Variants in LIMK1 observed in about 807,000 individuals in gnomAD.
LIMK1 encodes LIM domain kinase 1.
In LIMK1, 21 loss-of-function variants were observed where a neutral mutation model predicts 77.6. That is an observed-to-expected ratio of 0.27 (90% CI 0.19 to 0.39). The LOEUF (loss-of-function observed/expected upper bound fraction) is 0.39. Ranked by LOEUF, LIMK1 falls within the 10% of genes least tolerant of loss-of-function variation. The probability of loss-of-function intolerance (pLI) is 1.00; values close to 1 mark genes in which losing one functional copy is unlikely to be tolerated. For synonymous variants in LIMK1, 358 were observed against 370.0 expected (o/e 0.97, Z 0.37); for missense variants, 696 against 901.6 (o/e 0.77, Z 2.92).
At chr7:74,105,320 G>A (rs1315291030) in intron 5 of LIMK1, among the ~76,000 whole-genome samples, 3 of 152,034 alleles carry the variant, frequency 2.0e-5, no homozygotes, top group Admixed American at 2.0e-4. Flanking sequence ...GACCAGCCTG[G>A]GAAATGTGGT....
chr7:74,103,826 A>T (rs937558341), intron 5 of LIMK1, among the ~76,000 whole-genome samples: 1 of 151,746 alleles, frequency 6.6e-6, no homozygotes, highest in Non-Finnish European at 1.5e-5. Context: ...ATAGGGTCTC[A>T]CTCTGTTGCC....
At chr7:74,098,573 G>A (rs1286102659) in intron 4 of LIMK1, among the ~76,000 whole-genome samples, 1 of 152,174 alleles carries the variant, frequency 6.6e-6, no homozygotes, top group Non-Finnish European at 1.5e-5. Context: ...CTGGCCAGGT[G>A]CAGTGGCTCA....
Position 74,099,072 on chromosome 7 carries a change from G to A in LIMK1, c.442G>A (p.Glu148Lys), listed in dbSNP as rs782534356. 1.9e-6 allele frequency: 3 copies of A among 1,613,098 alleles called. No homozygotes were observed. Among genetic ancestry groups the A allele is most frequent in the South Asian group, 1.1e-5 (1 of 91,084 alleles). ...CCAGACTGTGGTGACCCCCGTCATC[G>A]AGCAGATCCTGCCTGACTCCCCTGG... The part of the protein sequence containing the change: ...YYQTVVTPVI[E>K]QILPDSPGSH... Residue 148 changes from glutamate to lysine, a missense_variant, in exon 5 of 16, where the codon GAG becomes AAG. Coordinates refer to ENST00000336180, the MANE Select transcript of LIMK1 (RefSeq NM_002314.4).
chr7:74,085,597 G>A (rs1422017182), intron 1 of LIMK1, 151 bp from the exon 2 acceptor site: 5 of 684,076 alleles, frequency 7.3e-6, no homozygotes, highest in Non-Finnish European at 1.0e-5. Context: ...TCTCCTATTT[G>A]GCACAGCGAC....
Position 74,107,945 on chromosome 7 carries a change from G to A in LIMK1, c.1140G>A (p.Thr380=), listed in dbSNP as rs116127979. The change falls in exon 9 of 16, where the codon ACG becomes ACA. Residue 380 remains threonine (T), a synonymous_variant. Transcript: ENST00000336180. The part of the protein sequence containing the change: ...LIRFDEETQR[T]FLKEVKVMRC... ...GGTTCGACGAGGAGACCCAGAGGAC[G>A]TTCCTCAAGGAGGTCAGTGAGCGGA... 4.8e-5 allele frequency: 75 copies of A among 1,566,450 alleles called. 1 individual carries two copies. The highest frequency in any genetic ancestry group is 9.4e-5 in the South Asian group (8 of 84,930).
intron 1 of LIMK1, among the ~76,000 whole-genome samples, chr7:74,085,114 G>T (rs1799110466): frequency 6.6e-6 from 1 of 152,220 alleles, no homozygotes; most frequent in African/African-American, 2.4e-5. Context: ...AGGGTGCCAG[G>T]CCCCAAGGAT....
At chr7:74,097,409 C>T (rs1488693927) in intron 4 of LIMK1, among the ~76,000 whole-genome samples, 3 of 152,244 alleles carry the variant, frequency 2.0e-5, no homozygotes, top group Non-Finnish European at 4.4e-5. Context: ...GGCATGCTGG[C>T]TCACGCCTGT....
intron 4 of LIMK1, 39 bp downstream of exon 4, chr7:74,097,228 C>A: frequency 7.4e-7 from 1 of 1,350,668 alleles, no homozygotes; most frequent in Non-Finnish European, 1.0e-6. Context: ...AGGAGGCCCA[C>A]CTGTGTCACA....
intron 5 of LIMK1, among the ~76,000 whole-genome samples, chr7:74,102,351 T>C (rs1231816452): frequency 6.6e-6 from 1 of 152,076 alleles, no homozygotes; most frequent in Non-Finnish European, 1.5e-5. Context: ...CAGATACATA[T>C]ACATGTTTAG....
At chr7:74,119,683 A>G (rs1442153246) in intron 13 of LIMK1, among the ~76,000 whole-genome samples, 5 of 151,490 alleles carry the variant, frequency 3.3e-5, no homozygotes, top group Admixed American at 1.3e-4. Flanking sequence ...CGAGGCGGGC[A>G]GATCACTGGA....
chr7:74,097,269 C>A lies in LIMK1; in HGVS notation c.401+80C>A, dbSNP rs534759656. The A allele has an allele frequency of 6.0e-6, 5 of 834,330 alleles. No individual in the cohort carries two copies. In the Admixed American group the frequency reaches 1.2e-4, roughly 20 times the overall value. The allele number at this position is 834,330 out of a possible 1,614,324, so 51.7% of individuals were successfully genotyped here. On this transcript the variant is annotated intron_variant, in intron 4 of 15. Coordinates refer to ENST00000336180, the MANE Select transcript of LIMK1 (RefSeq NM_002314.4). ...GCAAGGGTGCTGACTCTCCCACACC[C>A]GGGCCTCCTGCCCTTTCCCATGGGG...
At chr7:74,085,478 G>A (rs1171487039) in intron 1 of LIMK1, among the ~76,000 whole-genome samples, 6 of 152,186 alleles carry the variant, frequency 3.9e-5, no homozygotes, top group Admixed American at 6.5e-5. Context: ...ATGCTATAGC[G>A]GGAGGATGGA....
intron 2 of LIMK1, among the ~76,000 whole-genome samples, chr7:74,087,339 G>T (rs1276187779): frequency 2.6e-5 from 4 of 152,138 alleles, no homozygotes; most frequent in African/African-American, 9.7e-5. Flanking sequence ...GGGAGGTGGA[G>T]GCTGCAGTGA....
At chr7:74,108,647 CAAAAA>C (rs1310123718) in intron 9 of LIMK1, among the ~76,000 whole-genome samples, 22 of 87,890 alleles carry the variant, frequency 2.5e-4, no homozygotes, top group African/African-American at 9.0e-4. Flanking sequence ...GACTCCTTCT[CAAAAA>C]AAAAAAAAAG....
intron 13 of LIMK1, among the ~76,000 whole-genome samples, chr7:74,117,307 C>G (rs1416959903): frequency 6.6e-6 from 1 of 152,066 alleles, no homozygotes; most frequent in Non-Finnish European, 1.5e-5. Context: ...CATGAGCCAC[C>G]ATGGCCCTCC....
chr7:74,095,485 C>T (rs569773500), intron 2 of LIMK1, among the ~76,000 whole-genome samples: 64 of 152,268 alleles, frequency 4.2e-4, no homozygotes, highest in African/African-American at 1.5e-3. Flanking sequence ...TAGCACACTG[C>T]AGCCTTCAAC....
chr7:74,088,294 C>T lies in LIMK1; in HGVS notation c.152+2450C>T, dbSNP rs1021742831. Among the ~76,000 whole-genome samples, 4 of 152,266 alleles carry T rather than the reference C, an allele frequency of 2.6e-5. No homozygotes were observed. In the East Asian group the frequency reaches 7.7e-4, roughly 29 times the overall value. Reference sequence around the variant, plus strand: ...GCTGAAAGGAGACAGACAGCATGCCCTGGGATTCTGCATCAGGTGCTCAGA... The same window carrying T: ...GCTGAAAGGAGACAGACAGCATGCCTTGGGATTCTGCATCAGGTGCTCAGA... On this transcript the variant is annotated intron_variant, in intron 2 of 15. Coordinates refer to ENST00000336180, the MANE Select transcript of LIMK1 (RefSeq NM_002314.4).
intron 2 of LIMK1, among the ~76,000 whole-genome samples, chr7:74,089,884 G>A (rs941040438): frequency 2.0e-5 from 3 of 152,200 alleles, no homozygotes; most frequent in African/African-American, 4.8e-5. Flanking sequence ...CTGCGGTGAG[G>A]GGGGAGATGG....
chr7:74,112,331 A>C (rs1255770035), intron 12 of LIMK1, among the ~76,000 whole-genome samples: 1 of 152,176 alleles, frequency 6.6e-6, no homozygotes, highest in Admixed American at 6.6e-5. Flanking sequence ...CCCATGGCAG[A>C]GTGGCCATGG....
Sources: allele counts gnomAD v4.1 joint callset (sites outside exome capture counted in the v4.1 genomes callset), GRCh38; gene constraint gnomAD v4.1.1; transcripts MANE v1.5; gene names NCBI Gene and HGNC (gene_info 2026-07-23, HGNC 2026-07-21).